The following ZNF429 variants were observed in gnomAD, a reference collection of about 807,000 sequenced individuals.
The protein encoded by ZNF429 is zinc finger protein 429.
In ZNF429, 53 loss-of-function variants were observed where a neutral mutation model predicts 56.8. The observed-to-expected ratio is 0.93, with a 90% CI of 0.75 to 1.17. The LOEUF is 1.17. ZNF429 is among the 50% of genes most tolerant of loss of function. The pLI, the probability that ZNF429 is intolerant of heterozygous loss-of-function variation, is 0.00. For synonymous variants in ZNF429, 278 were observed against 264.7 expected, an observed-to-expected ratio of 1.05 and a Z score of -0.49; for missense variants, 849 against 788.4, an observed-to-expected ratio of 1.08 and a Z score of -0.92.
chr19:21,510,782 C>T (rs1009835015), intron 1 of ZNF429, among the ~76,000 whole-genome samples: 1 of 151,720 alleles, frequency 6.6e-6, no homozygotes, highest in Non-Finnish European at 1.5e-5. Flanking sequence ...GGTGATGACT[C>T]TTAACGAGCA....
chr19:21,517,138 C>T (rs2090707), intron 1 of ZNF429, among the ~76,000 whole-genome samples: 28,349 of 149,160 alleles, frequency 0.19, 2,688 homozygotes, highest in Middle Eastern at 0.22. Flanking sequence ...GTTTAGGGTT[C>T]TAAACATGAA....
intron 1 of ZNF429, among the ~76,000 whole-genome samples, chr19:21,522,590 C>T (rs1185088165): frequency 1.3e-5 from 2 of 152,142 alleles, no homozygotes; most frequent in Non-Finnish European, 2.9e-5. Context: ...CTCAGGCTTC[C>T]AGTCAACTCA....
chr19:21,535,303 C>CTTTCTTTCTTTCTTTCTT, intron 3 of ZNF429, among the ~76,000 whole-genome samples: 1 of 126,312 alleles, frequency 7.9e-6, no homozygotes, highest in African/African-American at 3.6e-5. Context: ...TTCCTTCTTT[C>CTTTCTTTCTTTCTTTCTT]TTTCTTTCTT....
intron 1 of ZNF429, among the ~76,000 whole-genome samples, chr19:21,515,185 CG>C (rs1356233224): frequency 6.6e-6 from 1 of 151,176 alleles, no homozygotes; most frequent in African/African-American, 2.4e-5. Flanking sequence ...AAGTGATCCC[CG>C]TACCTTGGCC....
chr19:21,507,252 A>T (rs2032222389), intron 1 of ZNF429, among the ~76,000 whole-genome samples: 1 of 152,194 alleles, frequency 6.6e-6, no homozygotes, highest in Non-Finnish European at 1.5e-5. Flanking sequence ...TCTGGCTTGC[A>T]GTAAAATACA....
At chr19:21,508,917 G>T (rs900558251) in intron 1 of ZNF429, among the ~76,000 whole-genome samples, 3 of 152,016 alleles carry the variant, frequency 2.0e-5, no homozygotes, top group African/African-American at 7.2e-5. Context: ...GAATATCTCT[G>T]TTCTATATCC....
At chr19:21,527,324 C>G (rs954103434) in intron 1 of ZNF429, among the ~76,000 whole-genome samples, 1 of 152,132 alleles carries the variant, frequency 6.6e-6, no homozygotes, top group African/African-American at 2.4e-5. Flanking sequence ...GGTTATCAGC[C>G]GGGGTTTCTA....
intron 1 of ZNF429, among the ~76,000 whole-genome samples, chr19:21,526,209 G>A (rs980146377): frequency 2.0e-5 from 3 of 151,980 alleles, no homozygotes; most frequent in African/African-American, 7.2e-5. Context: ...AGTCACTGGT[G>A]TACAGGTAGT....
intron 1 of ZNF429, among the ~76,000 whole-genome samples, chr19:21,509,498 TG>T (rs2032350807): frequency 6.6e-6 from 1 of 152,226 alleles, no homozygotes; most frequent in South Asian, 2.1e-4. Flanking sequence ...AATTAAAACT[TG>T]AGCCCAGTGA....
At chr19:21,531,115 A>AAAACAAAAC in intron 3 of ZNF429, among the ~76,000 whole-genome samples, 1 of 119,864 alleles carries the variant, frequency 8.3e-6, no homozygotes, top group Admixed American at 8.6e-5. Flanking sequence ...TCAAAAAAAA[A>AAAACAAAAC]AAAAAAAAAA....
rs779668266 is a variant in ZNF429, at chr19:21,505,779, G to A, written c.3+5G>A. The stretch of plus-strand genomic sequence containing the variant: ...CCCCCTGGAAGCCTAGAAATGGTGA[G>A]AGTGCCGAGTCTGACATCCCCAGAG... On this transcript the variant is annotated splice_donor_5th_base_variant and intron_variant, in intron 1 of 3. Coordinates refer to ENST00000358491, the MANE Select transcript of ZNF429 (RefSeq NM_001001415.4). 1.9e-6 allele frequency: 3 copies of A among 1,611,628 alleles called. No individual in the cohort carries two copies. In the South Asian group the frequency reaches 3.3e-5, roughly 18 times the overall value.
intron 1 of ZNF429, among the ~76,000 whole-genome samples, chr19:21,511,283 G>A (rs2032452631): frequency 6.6e-6 from 1 of 152,130 alleles, no homozygotes; most frequent in Non-Finnish European, 1.5e-5. Context: ...TCCCAGATGG[G>A]GTGGCTGCCG....
intron 1 of ZNF429, among the ~76,000 whole-genome samples, chr19:21,509,912 A>T (rs896492111): frequency 2.0e-5 from 3 of 147,144 alleles, no homozygotes; most frequent in Non-Finnish European, 4.5e-5. Context: ...TTTTTTAATA[A>T]TTTTTTTTTT....
chr19:21,517,851 T>C (rs1285018578), intron 1 of ZNF429, among the ~76,000 whole-genome samples: 1 of 150,504 alleles, frequency 6.6e-6, no homozygotes, highest in African/African-American at 2.5e-5. Context: ...TGGAGTACAG[T>C]GGCTCGATCT....
intron 1 of ZNF429, among the ~76,000 whole-genome samples, chr19:21,526,354 A>G (rs2033173209): frequency 6.6e-6 from 1 of 152,080 alleles, no homozygotes; most frequent in Admixed American, 6.6e-5. Flanking sequence ...CAAAGTCCCC[A>G]AAGTCCATTG....
At chr19:21,530,116 G>A in intron 2 of ZNF429, among the ~76,000 whole-genome samples, 3 of 151,762 alleles carry the variant, frequency 2.0e-5, no homozygotes, top group Non-Finnish European at 2.9e-5. Flanking sequence ...GCGTGAACCC[G>A]GGAGGTGGAG....
Position 21,539,849 on chromosome 19 carries a change from T to C in ZNF429, c.*1771T>C, listed in dbSNP as rs1395280703. Among the ~76,000 whole-genome samples the C allele has an allele frequency of 2.0e-5, 3 of 152,196 alleles. No homozygotes were observed. The highest frequency in any genetic ancestry group is 4.4e-5 in the Non-Finnish European group (3 of 68,032). On this transcript the variant is annotated 3_prime_UTR_variant, in exon 4 of 4. Transcript: ENST00000358491. ...TTGTTCCTATTCACATGTGAAAGCA[T>C]GTGATCAATTATTGCTGCATCACAT...
At chr19:21,533,567 GTTC>G in intron 3 of ZNF429, among the ~76,000 whole-genome samples, 2 of 135,338 alleles carry the variant, frequency 1.5e-5, no homozygotes, top group Admixed American at 7.2e-5. Context: ...TTTGTTAGTG[GTTC>G]TTTTTTTTTT....
In ZNF429 at chr19:21,536,593, A is replaced by G. The variant is rs2033684107; in HGVS notation, c.540A>G (p.Lys180=). 1.9e-6 allele frequency: 3 copies of G among 1,613,676 alleles called. No individual in the cohort carries two copies. The highest frequency in any genetic ancestry group is 8.5e-7 in the Non-Finnish European group (1 of 1,179,878). The part of the protein sequence containing the change: ...KKPFQCKKCG[K]SFCMLSQLTQ... ...CTTTCCAGTGTAAAAAATGTGGCAAATCATTTTGCATGCTTTCACAACTAA... is the reference window on the plus strand; with the variant it reads ...CTTTCCAGTGTAAAAAATGTGGCAAGTCATTTTGCATGCTTTCACAACTAA... The change falls in exon 4 of 4, where the codon AAA becomes AAG. Residue 180 remains lysine, a synonymous_variant. Coordinates refer to ENST00000358491, the MANE Select transcript of ZNF429 (RefSeq NM_001001415.4).
Sources: gnomAD v4.1 joint callset for allele counts (sites outside exome capture counted in the v4.1 genomes callset) on GRCh38, gnomAD v4.1.1 for gene constraint, MANE v1.5 for transcripts, NCBI Gene and HGNC (gene_info 2026-07-23, HGNC 2026-07-21) for gene names.